The following IQCM variants were observed in gnomAD, a reference collection of about 807,000 sequenced individuals.
IQCM encodes the protein IQ motif containing M.
A neutral mutation model predicts 57.6 loss-of-function variants in IQCM; 45 were observed. The observed-to-expected ratio is 0.78, with a 90% CI of 0.62 to 1.00. The LOEUF (loss-of-function observed/expected upper bound fraction) is 1.00, where lower values mean the gene tolerates loss of function less well. IQCM is among the 50% of genes least tolerant of loss of function. The probability of loss-of-function intolerance (pLI) is 0.00; values close to 1 mark genes in which losing one functional copy is unlikely to be tolerated. For synonymous variants in IQCM, 148 were observed against 158.9 expected (o/e 0.93, Z 0.51); for missense variants, 468 against 511.6 (o/e 0.91, Z 0.82).
chr4:149,631,875 A>G (rs572932912), intron 7 of IQCM, among the ~76,000 whole-genome samples: 1 of 152,306 alleles, frequency 6.6e-6, no homozygotes, highest in African/African-American at 2.4e-5. Flanking sequence ...GGAGGACAAG[A>G]TTAGGAAGCA....
chr4:149,469,794 C>T (rs1419378709), intron 12 of IQCM, among the ~76,000 whole-genome samples: 5 of 152,116 alleles, frequency 3.3e-5, no homozygotes, highest in African/African-American at 9.7e-5. Flanking sequence ...ACTCTACAAG[C>T]GAGAAGAGAG....
chr4:149,371,744 G>A (rs1730383484), intron 13 of IQCM, among the ~76,000 whole-genome samples: 1 of 152,120 alleles, frequency 6.6e-6, no homozygotes. Flanking sequence ...TAATTTTGAG[G>A]CTGAAAATGC....
At chr4:149,444,303 G>T (rs1344660903) in intron 12 of IQCM, among the ~76,000 whole-genome samples, 1 of 151,836 alleles carries the variant, frequency 6.6e-6, no homozygotes, top group African/African-American at 2.4e-5. Flanking sequence ...AGTTTAAGCT[G>T]ATTTCTAGAT....
At chr4:149,368,906 G>GTA (rs1247827332) in intron 13 of IQCM, among the ~76,000 whole-genome samples, 1 of 57,918 alleles carries the variant, frequency 1.7e-5, no homozygotes, top group Non-Finnish European at 3.6e-5. Flanking sequence ...ATATACACGT[G>GTA]TATATATATG....
intron 2 of IQCM, among the ~76,000 whole-genome samples, chr4:149,804,393 G>A (rs1206677034): frequency 6.6e-6 from 1 of 152,016 alleles, no homozygotes; most frequent in Non-Finnish European, 1.5e-5. Context: ...TACCCTTTAA[G>A]TGTCCCTTCC....
At chr4:149,512,874 T>C (rs573858189) in intron 12 of IQCM, among the ~76,000 whole-genome samples, 1 of 152,352 alleles carries the variant, frequency 6.6e-6, no homozygotes, top group South Asian at 2.1e-4. Context: ...TGGATTTCTA[T>C]GTGAATATAA....
At chr4:149,595,192 C>T (rs1753646721) in intron 8 of IQCM, among the ~76,000 whole-genome samples, 1 of 152,072 alleles carries the variant, frequency 6.6e-6, no homozygotes, top group South Asian at 2.1e-4. Flanking sequence ...TTGAATTGAT[C>T]CCTTTACCAT....
At chr4:149,788,439 C>G (rs77289008) in intron 2 of IQCM, among the ~76,000 whole-genome samples, 1 of 152,138 alleles carries the variant, frequency 6.6e-6, no homozygotes, top group Non-Finnish European at 1.5e-5. Flanking sequence ...AAAACCACAA[C>G]TGAATATCGT....
chr4:149,529,098 C>T (rs1436115098), intron 12 of IQCM, among the ~76,000 whole-genome samples: 1 of 152,082 alleles, frequency 6.6e-6, no homozygotes, highest in Non-Finnish European at 1.5e-5. Context: ...GAGTCTCACT[C>T]CATCACTCAG....
chr4:149,758,043 G>A (rs1043856228), intron 2 of IQCM, among the ~76,000 whole-genome samples: 2 of 152,138 alleles, frequency 1.3e-5, no homozygotes, highest in Non-Finnish European at 2.9e-5. Flanking sequence ...CAGTAATCAG[G>A]ACAATGTGGT....
intron 2 of IQCM, among the ~76,000 whole-genome samples, chr4:149,805,042 T>C (rs1463139064): frequency 6.6e-6 from 1 of 152,030 alleles, no homozygotes. Flanking sequence ...GAAAAGCCAG[T>C]TGTGAAGTGT....
chr4:149,469,634 T>G (rs1189820727), intron 12 of IQCM, among the ~76,000 whole-genome samples: 4 of 152,100 alleles, frequency 2.6e-5, no homozygotes, highest in Non-Finnish European at 4.4e-5. Flanking sequence ...GCCACAAAGA[T>G]ATTCCTCGAG....
intron 2 of IQCM, among the ~76,000 whole-genome samples, chr4:149,782,032 A>G (rs988706847): frequency 3.3e-5 from 5 of 152,176 alleles, no homozygotes; most frequent in Non-Finnish European, 7.3e-5. Context: ...CCGTGTCTCA[A>G]ATAAGACAAT....
chr4:149,657,424 C>T (rs1357782060), intron 7 of IQCM, among the ~76,000 whole-genome samples: 1 of 152,100 alleles, frequency 6.6e-6, no homozygotes, highest in African/African-American at 2.4e-5. Flanking sequence ...TTGTTAAACA[C>T]TTAGGTTGAT....
intron 2 of IQCM, among the ~76,000 whole-genome samples, chr4:149,766,805 TG>T (rs1770105339): frequency 6.6e-6 from 1 of 152,096 alleles, no homozygotes; most frequent in South Asian, 2.1e-4. Context: ...ATAGAAAATT[TG>T]GTGGATTCCT....
intron 8 of IQCM, among the ~76,000 whole-genome samples, chr4:149,614,237 G>A (rs991449018): frequency 6.6e-6 from 1 of 151,976 alleles, no homozygotes; most frequent in African/African-American, 2.4e-5. Context: ...AATTCTATTT[G>A]CTCGTAATCC....
At chr4:149,556,039 A>C (rs1749549795) in intron 10 of IQCM, among the ~76,000 whole-genome samples, 1 of 152,202 alleles carries the variant, frequency 6.6e-6, no homozygotes. Flanking sequence ...ACATGGAAAT[A>C]TGCTTCAGCT....
intron 13 of IQCM, among the ~76,000 whole-genome samples, chr4:149,421,328 C>T (rs1734107191): frequency 6.6e-6 from 1 of 151,768 alleles, no homozygotes; most frequent in African/African-American, 2.4e-5. Context: ...GTCGAACTTA[C>T]ACTGAAAAAA....
intron 12 of IQCM, among the ~76,000 whole-genome samples, chr4:149,483,304 C>T (rs1741114894): frequency 1.3e-5 from 2 of 151,748 alleles, no homozygotes; most frequent in Middle Eastern, 6.8e-3. Context: ...TTCTTTTCTT[C>T]TCCTAATTTT....
Sources: allele counts gnomAD v4.1 joint callset (sites outside exome capture counted in the v4.1 genomes callset), GRCh38; gene constraint gnomAD v4.1.1; transcripts MANE v1.5; gene names NCBI Gene and HGNC (gene_info 2026-07-23, HGNC 2026-07-21).